Variants in EXOSC1 observed in about 807,000 individuals in gnomAD.
EXOSC1 encodes exosome complex component CSL4.
EXOSC1 carries 27 observed loss-of-function variants against 31.4 expected under a neutral mutation model. That is an observed-to-expected ratio of 0.86 (90% confidence interval 0.63 to 1.18). The LOEUF is 1.18. Ranked by LOEUF, EXOSC1 falls within the 50% of genes most tolerant of loss-of-function variation. EXOSC1 has a pLI of 0.00. For missense variants in EXOSC1, 228 were observed against 250.3 expected (o/e 0.91, Z 0.60); for synonymous variants, 84 against 89.5 (o/e 0.94, Z 0.35).
At chr10:97,441,354 G>T in intron 3 of EXOSC1, 95 bp from the exon 4 acceptor site, 1 of 925,516 alleles carries the variant, frequency 1.1e-6, no homozygotes, top group Non-Finnish European at 1.7e-6. Context: ...TTCAGTGCAA[G>T]CAACCCTACT....
In EXOSC1 at chr10:97,436,327, G is replaced by A; in HGVS notation, c.*118C>T. 1.3e-6 allele frequency: 1 copy of A among 744,544 alleles called. No homozygotes were observed. Among genetic ancestry groups the A allele is most frequent in the South Asian group, 1.5e-5 (1 of 65,644 alleles). The allele number at this position is 744,544 out of a possible 1,614,324, so 46.1% of individuals were successfully genotyped here. A position where few individuals can be genotyped will look rare whatever the true frequency, so the allele number is the denominator to read the frequency against. ...ACATGTTCCATCTACAGCGTAAACTGGAAGATTTTTCTGGAAGTGGCTGTT... is the reference window on the plus strand; with the variant it reads ...ACATGTTCCATCTACAGCGTAAACTAGAAGATTTTTCTGGAAGTGGCTGTT... On this transcript the variant is annotated 3_prime_UTR_variant, in exon 8 of 8. Transcript: ENST00000370902.
At chr10:97,443,038 C>T (rs1181652809) in intron 3 of EXOSC1, among the ~76,000 whole-genome samples, 199 bp downstream of exon 3, 1 of 152,114 alleles carries the variant, frequency 6.6e-6, no homozygotes, top group African/African-American at 2.4e-5. Context: ...GTTTCCCAGG[C>T]TGGTCTTGAA....
intron 3 of EXOSC1, 31 bp downstream of exon 3, chr10:97,443,206 A>C: frequency 6.3e-7 from 1 of 1,585,934 alleles, no homozygotes. Context: ...TTGAATGGGC[A>C]TTCTAAGCAT....
Position 97,445,812 on chromosome 10 carries a change from C to G in EXOSC1, c.67G>C (p.Gly23Arg), listed in dbSNP as rs778484076. ...RLCNLEEGSP[G>R]SGTYTRHGYI... ...CCGTGGCGGGTGTAGGTGCCGCTGC[C>G]CGGGCTGCCCTCCTCCAAGTTACAC... Residue 23 changes from glycine to arginine, a missense_variant, in exon 2 of 8, where the codon GGC becomes CGC. Physicochemically the swap from Gly to Arg is moderately radical, Grantham distance 125 (BLOSUM62 -2). Coordinates refer to ENST00000370902, the MANE Select transcript of EXOSC1 (RefSeq NM_016046.5). 1.2e-6 allele frequency: 2 copies of G among 1,613,926 alleles called. No individual in the cohort carries two copies. Among genetic ancestry groups the G allele is most frequent in the South Asian group, 1.1e-5 (1 of 91,076 alleles).
At chr10:97,439,790 A>G (rs1402560449) in intron 4 of EXOSC1, among the ~76,000 whole-genome samples, 1 of 152,130 alleles carries the variant, frequency 6.6e-6, no homozygotes, top group African/African-American at 2.4e-5. Flanking sequence ...ACAGAACCAC[A>G]TCAAATCCTG....
At chr10:97,441,430 A>G (rs1189802759) in intron 3 of EXOSC1, among the ~76,000 whole-genome samples, 171 bp from the exon 4 acceptor site, 2 of 151,986 alleles carry the variant, frequency 1.3e-5, no homozygotes, top group Non-Finnish European at 2.9e-5. Flanking sequence ...GTAAAGAGGA[A>G]TAAGAGCCAC....
At chr10:97,438,497 G>T (rs1332802634) in intron 5 of EXOSC1, among the ~76,000 whole-genome samples, 173 bp downstream of exon 5, 3 of 151,802 alleles carry the variant, frequency 2.0e-5, no homozygotes, top group Non-Finnish European at 2.9e-5. Context: ...TAGAGACAGG[G>T]TCTCGCTATG....
rs1845778320 is a variant in EXOSC1 at position 97,443,436 on chromosome 10, T to G, written c.148-125A>C. ...GAGAGTTGGAGTATGGATTCATTTATAGCCCAGAGCAGAAGGCCTTAGAAA... is the reference window on the plus strand; with the variant it reads ...GAGAGTTGGAGTATGGATTCATTTAGAGCCCAGAGCAGAAGGCCTTAGAAA... On this transcript the variant is annotated intron_variant, in intron 2 of 7. Transcript: ENST00000370902. The G allele has an allele frequency of 8.6e-6, 7 of 817,566 alleles. No individual in the cohort carries two copies. In the East Asian group the frequency reaches 1.7e-4, roughly 20 times the overall value. 50.6% of individuals were successfully genotyped at this position (817,566 alleles called of 1,614,324 possible).
intron 4 of EXOSC1, among the ~76,000 whole-genome samples, chr10:97,440,564 G>A (rs1845683879): frequency 6.6e-6 from 1 of 151,310 alleles, no homozygotes; most frequent in Admixed American, 6.6e-5. Flanking sequence ...TGTCCCCCAG[G>A]CTGGAGTGCA....
At chr10:97,436,654 G>T in intron 7 of EXOSC1, 103 bp from the exon 8 acceptor site, 1 of 1,042,290 alleles carries the variant, frequency 9.6e-7, no homozygotes, top group Non-Finnish European at 1.4e-6. Flanking sequence ...GCTTCCTACT[G>T]AACCTCAACT....
At position 97,439,573 on chromosome 10, in the gene EXOSC1, C is replaced by T. The variant is rs950349667; in HGVS notation, c.312-870G>A. On this transcript the variant is annotated intron_variant, in intron 4 of 7. Coordinates refer to ENST00000370902, the MANE Select transcript of EXOSC1 (RefSeq NM_016046.5). ...ATGGGACCATCGAATTGCAGGGAAA[C>T]AAACTCAGGGCTCCCGCTGATTCTA... is the stretch of plus-strand genomic sequence containing the variant. Among the ~76,000 whole-genome samples, 4 of 152,188 alleles carry T rather than the reference C, an allele frequency of 2.6e-5. No individual in the cohort carries two copies. The South Asian group carries it at 8.3e-4, about 31-fold the overall frequency.
chr10:97,445,517 C>T (rs1845920084), intron 2 of EXOSC1: 2 of 585,866 alleles, frequency 3.4e-6, no homozygotes, highest in Non-Finnish European at 6.0e-6. Context: ...CAACTTCCCT[C>T]CCCGAGGGTC....
chr10:97,436,667 T>C, intron 7 of EXOSC1, 116 bp from the exon 8 acceptor site: 2 of 900,528 alleles, frequency 2.2e-6, no homozygotes, highest in Non-Finnish European at 1.6e-6. Flanking sequence ...CCTCAACTCA[T>C]AAAGAAAAAA....
chr10:97,437,845 C>T, intron 5 of EXOSC1, 95 bp from the exon 6 acceptor site: 1 of 993,812 alleles, frequency 1.0e-6, no homozygotes. Context: ...ACTTTCTAAT[C>T]CTGGAGGGTA....
intron 4 of EXOSC1, among the ~76,000 whole-genome samples, chr10:97,439,548 A>G (rs971130460): frequency 3.9e-5 from 6 of 152,180 alleles, no homozygotes; most frequent in African/African-American, 1.2e-4. Flanking sequence ...TCACCCCCAG[A>G]TGGGACCATC....
chr10:97,441,218 C>T lies in EXOSC1; in HGVS notation c.264G>A (p.Leu88=), dbSNP rs1349686174. 1 of 1,614,078 alleles carries T rather than the reference C, an allele frequency of 6.2e-7. No individual in the cohort carries two copies. The highest frequency in any genetic ancestry group is 1.3e-5 in the African/African-American group (1 of 75,026). ...TCTTAAGAGGCATGGACCCCACATA[C>T]AGGATGTGTACTTTGGCAAAGCGTG... ...INSRFAKVHI[L]YVGSMPLKNS... Residue 88 remains leucine, a synonymous_variant, in exon 4 of 8, where the codon CTG becomes CTA. Coordinates refer to ENST00000370902, the MANE Select transcript of EXOSC1 (RefSeq NM_016046.5).
In EXOSC1 at chr10:97,437,680, C is replaced by G. The variant is rs780444697; in HGVS notation, c.396+20G>C. 5 of 1,611,304 alleles carry G rather than the reference C, an allele frequency of 3.1e-6. No individual in the cohort carries two copies. Among genetic ancestry groups the G allele is most frequent in the Non-Finnish European group, 4.2e-6 (5 of 1,177,826 alleles). On this transcript the variant is annotated intron_variant, in intron 6 of 7. Coordinates refer to ENST00000370902, the MANE Select transcript of EXOSC1 (RefSeq NM_016046.5). The stretch of plus-strand genomic sequence containing the variant: ...CTTCTTTTGACAAAGGACCAGAAGT[C>G]TGCTGGGAATAAAGGATACCACTTT...
Position 97,437,748 on chromosome 10 carries a change from A to G in EXOSC1, c.348T>C (p.Val116=). The stretch of plus-strand genomic sequence containing the variant: ...CTGGGCGGAAACTCTTATAAATTTC[A>G]ACCTGTAAAGAAAGAACAGGAATGT... The part of the protein sequence containing the change: ...EDVRATEKDK[V]EIYKSFRPGD... Residue 116 remains valine, a splice_region_variant and synonymous_variant, in exon 6 of 8, where the codon GTT becomes GTC. Transcript: ENST00000370902. 1 of 1,612,926 alleles carries G rather than the reference A, an allele frequency of 6.2e-7. No individual in the cohort carries two copies. The highest frequency in any genetic ancestry group is 8.5e-7 in the Non-Finnish European group (1 of 1,179,136).
At chr10:97,437,816 C>T in intron 5 of EXOSC1, 66 bp from the exon 6 acceptor site, 1 of 1,351,060 alleles carries the variant, frequency 7.4e-7, no homozygotes, top group Non-Finnish European at 1.1e-6. Context: ...ACTGTGAACG[C>T]TTCTGGTAAA....
Sources: allele counts gnomAD v4.1 joint callset (sites outside exome capture counted in the v4.1 genomes callset), GRCh38; gene constraint gnomAD v4.1.1; transcripts MANE v1.5; gene names NCBI Gene and HGNC (gene_info 2026-07-23, HGNC 2026-07-21).